Variants in SKA3 observed in about 807,000 individuals in gnomAD.
SKA3 encodes the protein spindle and kinetochore-associated protein 3.
In SKA3, 39 loss-of-function variants were observed where a neutral mutation model predicts 44.2. The observed-to-expected ratio is 0.88, with a 90% confidence interval of 0.68 to 1.15. The LOEUF is 1.15. SKA3 is among the 50% of genes most tolerant of loss of function. The pLI is 0.00. For missense variants in SKA3, 511 were observed against 485.8 expected, an observed-to-expected ratio of 1.05 and a Z score of -0.49; for synonymous variants, 192 against 172.0, an observed-to-expected ratio of 1.12 and a Z score of -0.91.
rs1483999774 is a variant in SKA3, at chr13:21,156,888, G to C, written c.1119+1034C>G. 7.6e-4 allele frequency among the ~76,000 whole-genome samples: 25 copies of C among 32,788 alleles called. 11 individuals carry two copies. Among genetic ancestry groups the C allele is most frequent in the Non-Finnish European group, 1.3e-3 (19 of 14,178 alleles). The allele number at this position is 32,788 out of a possible 152,430, so 21.5% of individuals were successfully genotyped here. A position where few individuals can be genotyped will look rare whatever the true frequency, so the allele number is the denominator to read the frequency against. On this transcript the variant is annotated intron_variant, in intron 7 of 8. Coordinates refer to ENST00000314759, the MANE Select transcript of SKA3 (RefSeq NM_145061.6). The stretch of plus-strand genomic sequence containing the variant: ...ATCCTGGCTAACAAGGTGAAACCCT[G>C]TCTCTACTAAAAATACAAAAAATTA...
chr13:21,158,032 A>G lies in SKA3; in HGVS notation c.1009T>C (p.Cys337Arg). ...GAGGGATCTGTTAAATTCTCAAAGC[A>G]TGTGTCTGAATTTAAAACCAACGAA... The part of the protein sequence containing the change: ...RTSLVLNSDT[C>R]FENLTDPSSP... Residue 337 changes from cysteine to arginine, a missense_variant, in exon 7 of 9, where the codon TGC becomes CGC. Coordinates refer to ENST00000314759, the MANE Select transcript of SKA3 (RefSeq NM_145061.6). The G allele has an allele frequency of 1.2e-6, 2 of 1,612,962 alleles. No individual in the cohort carries two copies. Among genetic ancestry groups the G allele is most frequent in the Admixed American group, 1.7e-5 (1 of 60,016 alleles).
chr13:21,176,089 A>C (rs1871497662), intron 1 of SKA3, among the ~76,000 whole-genome samples: 1 of 152,230 alleles, frequency 6.6e-6, no homozygotes, highest in African/African-American at 2.4e-5. Flanking sequence ...TCTGTTTATA[A>C]CGTAATAGTG....
chr13:21,162,118 A>G (rs1420084743), intron 4 of SKA3, among the ~76,000 whole-genome samples: 2 of 152,222 alleles, frequency 1.3e-5, no homozygotes, highest in Non-Finnish European at 2.9e-5. Context: ...TGGGACTTCA[A>G]AATCCTAAAG....
Position 21,161,104 on chromosome 13 carries a change from G to A in SKA3, c.829+686C>T, listed in dbSNP as rs144341199. ...TTGTGACCAGCCTGGGCAACATGGC[G>A]AAACCCCATCTATACAAAAAATACA... is the stretch of plus-strand genomic sequence containing the variant. On this transcript the variant is annotated intron_variant, in intron 5 of 8. Coordinates refer to ENST00000314759, the MANE Select transcript of SKA3 (RefSeq NM_145061.6). 2.4e-4 allele frequency among the ~76,000 whole-genome samples: 36 copies of A among 152,156 alleles called. No homozygotes were observed. In the East Asian group the frequency reaches 6.2e-3, roughly 26 times the overall value.
At chr13:21,158,577 C>T (rs962893237) in intron 6 of SKA3, among the ~76,000 whole-genome samples, 73 of 152,082 alleles carry the variant, frequency 4.8e-4, no homozygotes, top group African/African-American at 1.7e-3. Flanking sequence ...GCCAAGATCG[C>T]GCCACTGCAC....
intron 4 of SKA3, among the ~76,000 whole-genome samples, chr13:21,164,531 T>C (rs950181676): frequency 6.6e-6 from 1 of 152,242 alleles, no homozygotes; most frequent in Non-Finnish European, 1.5e-5. Flanking sequence ...CGTTTCATTG[T>C]ACTCTTCTAA....
chr13:21,176,443 C>A lies in SKA3; in HGVS notation c.35G>T (p.Arg12Leu). ...DPIRSFCGKL[R>L]SLASTLDCET... ...GCAGTCCAGCGTGCTGGCCAGAGAC[C>A]GCAGCTTCCCGCAGAAGCTCCGGAT... Residue 12 changes from arginine to leucine, a missense_variant, in exon 1 of 9, where the codon CGG becomes CTG. Coordinates refer to ENST00000314759, the MANE Select transcript of SKA3 (RefSeq NM_145061.6). 2.5e-6 allele frequency: 4 copies of A among 1,578,194 alleles called. No individual in the cohort carries two copies. The highest frequency in any genetic ancestry group is 3.4e-6 in the Non-Finnish European group (4 of 1,163,144).
chr13:21,162,820 C>T (rs766410861), intron 4 of SKA3, among the ~76,000 whole-genome samples: 1 of 152,152 alleles, frequency 6.6e-6, no homozygotes, highest in Non-Finnish European at 1.5e-5. Context: ...GTGGGAGGAT[C>T]TCTTCAGGCT....
At chr13:21,176,073 G>T (rs1248685764) in intron 1 of SKA3, among the ~76,000 whole-genome samples, 1 of 152,180 alleles carries the variant, frequency 6.6e-6, no homozygotes, top group Non-Finnish European at 1.5e-5. Flanking sequence ...CTTAAGTGCT[G>T]CTGTCTCTGT....
At position 21,161,817 on chromosome 13, in the gene SKA3, G is replaced by T. The variant is rs1264794320; in HGVS notation, c.802C>A (p.Pro268Thr). 1 of 1,612,076 alleles carries T rather than the reference G, an allele frequency of 6.2e-7. No individual in the cohort carries two copies. Among genetic ancestry groups the T allele is most frequent in the Non-Finnish European group, 8.5e-7 (1 of 1,178,734 alleles). Residue 268 changes from proline to threonine, a missense_variant, in exon 5 of 9, where the codon CCC becomes ACC. By Grantham distance (38) the Pro-to-Thr change is conservative. Transcript: ENST00000314759. ...LNDNVFATPS[P>T]IIQQLEKSDA... ...CTTTTTTCCAACTGCTGGATGATGG[G>T]GCTGGGAGTGGCAAAAACATTATCA...
At chr13:21,171,980 A>AG (rs1871080765) in intron 3 of SKA3, among the ~76,000 whole-genome samples, 1 of 152,240 alleles carries the variant, frequency 6.6e-6, no homozygotes, top group African/African-American at 2.4e-5. Flanking sequence ...ACATGCCTCG[A>AG]GGTCTCTCAG....
intron 5 of SKA3, among the ~76,000 whole-genome samples, chr13:21,161,108 C>T (rs569033641): frequency 3.7e-4 from 57 of 152,148 alleles, no homozygotes; most frequent in Admixed American, 2.5e-3. Flanking sequence ...CATGGCGAAA[C>T]CCCATCTATA....
chr13:21,176,519 C>G lies in SKA3; in HGVS notation c.-42G>C. 1 of 1,383,912 alleles carries G rather than the reference C, an allele frequency of 7.2e-7. No homozygotes were observed. Among genetic ancestry groups the G allele is most frequent in the East Asian group, 2.7e-5 (1 of 36,394 alleles). 85.7% of individuals were successfully genotyped at this position (1,383,912 alleles called of 1,614,324 possible). ...AAGGACTCCAGGCGTACGCAGACCCCACCGCTCAGCTCACAGCCTCCCGCC... is the reference window on the plus strand; with the variant it reads ...AAGGACTCCAGGCGTACGCAGACCCGACCGCTCAGCTCACAGCCTCCCGCC... On this transcript the variant is annotated 5_prime_UTR_variant, in exon 1 of 9. Coordinates refer to ENST00000314759, the MANE Select transcript of SKA3 (RefSeq NM_145061.6).
Position 21,153,868 on chromosome 13 carries a change from C to T in SKA3, c.*1282G>A, listed in dbSNP as rs1451547757. The stretch of plus-strand genomic sequence containing the variant: ...TATACATTTCAGAGTCAATGGCATA[C>T]ATAAGGCTGACTACAGCTTTACTTT... On this transcript the variant is annotated 3_prime_UTR_variant, in exon 9 of 9. Transcript: ENST00000314759. 5 of 152,212 alleles carry T rather than the reference C, an allele frequency of 3.3e-5. No individual in the cohort carries two copies. Among genetic ancestry groups the T allele is most frequent in the Non-Finnish European group, 7.3e-5 (5 of 68,040 alleles). The allele number at this position is 152,212 out of a possible 1,614,324, so 9.4% of individuals were successfully genotyped here. A position where few individuals can be genotyped will look rare whatever the true frequency, so the allele number is the denominator to read the frequency against.
intron 8 of SKA3, 98 bp downstream of exon 8, chr13:21,155,595 C>T (rs1046941447): frequency 7.8e-6 from 5 of 643,752 alleles, no homozygotes; most frequent in East Asian, 3.9e-5. Context: ...TTAGTAGAGA[C>T]GAGGTTTCAC....
intron 4 of SKA3, among the ~76,000 whole-genome samples, chr13:21,162,363 T>C (rs1234003160): frequency 7.6e-6 from 1 of 131,564 alleles, no homozygotes; most frequent in Non-Finnish European, 1.6e-5. Flanking sequence ...ACATCTTGTG[T>C]AAACATTTTT....
intron 1 of SKA3, among the ~76,000 whole-genome samples, chr13:21,175,774 T>C (rs1871469070): frequency 6.6e-6 from 1 of 152,228 alleles, no homozygotes; most frequent in Admixed American, 6.5e-5. Flanking sequence ...TATATACACA[T>C]ATTTTTTTAA....
At chr13:21,159,396 C>T (rs139061118) in intron 6 of SKA3, among the ~76,000 whole-genome samples, 116 of 152,244 alleles carry the variant, frequency 7.6e-4, no homozygotes, top group African/African-American at 2.5e-3. Flanking sequence ...AACTACACTG[C>T]TGTTTCTATC....
chr13:21,172,366 A>G lies in SKA3; in HGVS notation c.304T>C (p.Tyr102His). ...GAATTTTTCTTGACACGTGGACTAT[A>G]TCCATACTTCTGGAAATACTCTCTT... is the stretch of plus-strand genomic sequence containing the variant. ...KIREYFQKYG[Y>H]SPRVKKNSVH... Residue 102 changes from tyrosine (Y) to histidine (H), a missense_variant, in exon 3 of 9, where the codon TAT becomes CAT. Coordinates refer to ENST00000314759, the MANE Select transcript of SKA3 (RefSeq NM_145061.6). 4 of 1,578,208 alleles carry G rather than the reference A, an allele frequency of 2.5e-6. No homozygotes were observed. The highest frequency in any genetic ancestry group is 3.4e-6 in the Non-Finnish European group (4 of 1,166,352).
Sources: gnomAD v4.1 joint callset for allele counts (sites outside exome capture counted in the v4.1 genomes callset) on GRCh38, gnomAD v4.1.1 for gene constraint, MANE v1.5 for transcripts, NCBI Gene and HGNC (gene_info 2026-07-23, HGNC 2026-07-21) for gene names.